SEC24B: variants seen among roughly 807,000 people sequenced by gnomAD.
SEC24B encodes the protein protein transport protein Sec24B.
Under a neutral mutation model 142.8 loss-of-function variants are expected in SEC24B, and 45 were observed. The observed-to-expected ratio is 0.32, with a 90% CI of 0.25 to 0.40. The LOEUF is 0.40. Ranked by LOEUF, SEC24B falls within the 10% of genes least tolerant of loss-of-function variation. SEC24B has a pLI of 1.00. For missense variants in SEC24B, 1,409 were observed against 1,526.8 expected, an observed-to-expected ratio of 0.92 and a Z score of 1.29; for synonymous variants, 574 against 568.2, an observed-to-expected ratio of 1.01 and a Z score of -0.15.
chr4:109,524,693 T>C, intron 14 of SEC24B, 125 bp from the exon 15 acceptor site: 1 of 728,022 alleles, frequency 1.4e-6, no homozygotes, highest in Non-Finnish European at 2.2e-6. Flanking sequence ...CTGCACCAAA[T>C]GCCTAGACAT....
intron 1 of SEC24B, among the ~76,000 whole-genome samples, chr4:109,451,324 C>T (rs74653182): frequency 0.011 from 1,688 of 151,598 alleles, 9 homozygotes; most frequent in Admixed American, 0.017. Flanking sequence ...CTCAAGCGAT[C>T]CTCTCAAGTA....
intron 1 of SEC24B, among the ~76,000 whole-genome samples, chr4:109,457,230 A>C (rs946222016): frequency 1.3e-5 from 2 of 152,242 alleles, no homozygotes; most frequent in Non-Finnish European, 2.9e-5. Context: ...GCCACAAAGT[A>C]GGTAGCTTAA....
At chr4:109,442,353 TA>T (rs1285139136) in intron 1 of SEC24B, among the ~76,000 whole-genome samples, 1 of 152,136 alleles carries the variant, frequency 6.6e-6, no homozygotes, top group Admixed American at 6.5e-5. Flanking sequence ...TATGACTCAT[TA>T]CCAACTGATT....
intron 3 of SEC24B, among the ~76,000 whole-genome samples, chr4:109,475,663 T>C (rs11942291): frequency 1.3e-5 from 2 of 151,980 alleles, no homozygotes; most frequent in Non-Finnish European, 2.9e-5. Context: ...CTTTTAAAAC[T>C]GAGATGTTAC....
At position 109,462,008 on chromosome 4, in the gene SEC24B, A is replaced by G. The variant is rs191536310; in HGVS notation, c.134-893A>G. Among the ~76,000 whole-genome samples, 889 of 152,256 alleles carry G rather than the reference A, an allele frequency of 5.8e-3. 4 individuals are homozygous for G. The highest frequency in any genetic ancestry group is 8.5e-3 in the Non-Finnish European group (577 of 68,022). Reference sequence around the variant, plus strand: ...TATGGGAGACCAGCCTGGGCAACACAGTGAGAGCCTGTCTCTGTAAAAAAT... The same window carrying G: ...TATGGGAGACCAGCCTGGGCAACACGGTGAGAGCCTGTCTCTGTAAAAAAT... On this transcript the variant is annotated intron_variant, in intron 1 of 23. Coordinates refer to ENST00000265175, the MANE Select transcript of SEC24B (RefSeq NM_006323.5).
At chr4:109,441,877 G>T (rs545405349) in intron 1 of SEC24B, among the ~76,000 whole-genome samples, 8 of 152,334 alleles carry the variant, frequency 5.3e-5, no homozygotes, top group Non-Finnish European at 8.8e-5. Context: ...GACTGGAACA[G>T]TTACCTTCAT....
chr4:109,444,690 A>G (rs1729275251), intron 1 of SEC24B, among the ~76,000 whole-genome samples: 1 of 152,164 alleles, frequency 6.6e-6, no homozygotes, highest in Admixed American at 6.5e-5. Flanking sequence ...ATACATGCTT[A>G]TAGAAAATCA....
intron 4 of SEC24B, among the ~76,000 whole-genome samples, chr4:109,489,247 C>T (rs1734725660): frequency 6.6e-6 from 1 of 151,892 alleles, no homozygotes; most frequent in Non-Finnish European, 1.5e-5. Context: ...TGTCTATGAT[C>T]CATTTTGAGT....
intron 1 of SEC24B, chr4:109,450,905 C>G (rs1323582768): frequency 6.6e-6 from 1 of 151,998 alleles, no homozygotes; most frequent in African/African-American, 2.4e-5. Context: ...CCTTAGGTAA[C>G]CTGGTGGTCC....
chr4:109,526,217 C>T lies in SEC24B; in HGVS notation c.2792-9C>T. The T allele has an allele frequency of 6.2e-7, 1 of 1,610,906 alleles. No homozygotes were observed. The highest frequency in any genetic ancestry group is 8.5e-7 in the Non-Finnish European group (1 of 1,178,888). ...TTAACTTGATTTTTTATGATTTTCT[C>T]CTTTTTAGGTCTTTCAATGCACACT... On this transcript the variant is annotated splice_polypyrimidine_tract_variant and intron_variant, in intron 16 of 23. Transcript: ENST00000265175.
intron 6 of SEC24B, among the ~76,000 whole-genome samples, chr4:109,502,371 T>A (rs1736238455): frequency 6.6e-6 from 1 of 152,170 alleles, no homozygotes; most frequent in Non-Finnish European, 1.5e-5. Flanking sequence ...GGCTGCTGTG[T>A]GAGGAATGGA....
chr4:109,532,568 A>C, intron 20 of SEC24B, 71 bp from the exon 21 acceptor site: 1 of 1,083,652 alleles, frequency 9.2e-7, no homozygotes, highest in Admixed American at 1.7e-5. Context: ...ATAAAGGGTT[A>C]GTGACCATTA....
In SEC24B at chr4:109,509,994, T is replaced by G; in HGVS notation, c.1674-15T>G. ...TGATAGCTAATATCCTCCATGTTGT[T>G]TATGTTTTTTGCAGTTCATTTCGGT... On this transcript the variant is annotated splice_polypyrimidine_tract_variant and intron_variant, in intron 7 of 23. Coordinates refer to ENST00000265175, the MANE Select transcript of SEC24B (RefSeq NM_006323.5). 6.6e-7 allele frequency: 1 copy of G among 1,522,634 alleles called. No homozygotes were observed. 94.3% of individuals were successfully genotyped at this position (1,522,634 alleles called of 1,614,324 possible). A position where few individuals can be genotyped will look rare whatever the true frequency, so the allele number is the denominator to read the frequency against.
intron 1 of SEC24B, among the ~76,000 whole-genome samples, chr4:109,458,717 T>A (rs1243225225): frequency 6.6e-6 from 1 of 152,162 alleles, no homozygotes; most frequent in Admixed American, 6.5e-5. Context: ...ATCCCACTTT[T>A]GCTTAACTAA....
At chr4:109,538,073 A>G (rs992964608) in intron 22 of SEC24B, among the ~76,000 whole-genome samples, 1 of 152,230 alleles carries the variant, frequency 6.6e-6, no homozygotes, top group African/African-American at 2.4e-5. Context: ...TAAAGAAAAC[A>G]TGAAATTCTC....
intron 3 of SEC24B, among the ~76,000 whole-genome samples, chr4:109,476,859 C>G (rs1209717659): frequency 6.6e-6 from 1 of 151,980 alleles, no homozygotes; most frequent in Non-Finnish European, 1.5e-5. Flanking sequence ...CAGAGTTGGC[C>G]GGGCGCAGTG....
chr4:109,452,363 T>C (rs1021287717), intron 1 of SEC24B, among the ~76,000 whole-genome samples: 2 of 152,192 alleles, frequency 1.3e-5, no homozygotes, highest in Non-Finnish European at 2.9e-5. Context: ...TTGGTAGTTA[T>C]AAAAAAAGCT....
At chr4:109,471,807 G>T (rs1037567053) in intron 2 of SEC24B, among the ~76,000 whole-genome samples, 7 of 152,168 alleles carry the variant, frequency 4.6e-5, no homozygotes, top group African/African-American at 1.7e-4. Flanking sequence ...GAGTGGAAAG[G>T]TGTAAGCTGC....
At chr4:109,463,727 G>A (rs1239579448) in intron 2 of SEC24B, 83 bp downstream of exon 2, 8 of 1,517,134 alleles carry the variant, frequency 5.3e-6, no homozygotes, top group Non-Finnish European at 6.2e-6. Context: ...GAAGGTTAGA[G>A]GTGATATTGC....
Sources: allele counts gnomAD v4.1 joint callset (sites outside exome capture counted in the v4.1 genomes callset), GRCh38; gene constraint gnomAD v4.1.1; transcripts MANE v1.5; gene names NCBI Gene and HGNC (gene_info 2026-07-23, HGNC 2026-07-21).